The following ABI2 variants were observed in gnomAD, a reference collection of about 807,000 sequenced individuals.
ABI2 encodes the protein abl interactor 2, also known as abelson interactor 2.
ABI2 carries 25 observed loss-of-function variants against 59.2 expected under a neutral mutation model. That is an observed-to-expected ratio of 0.42 (90% CI 0.31 to 0.59). The LOEUF is 0.59. Ranked by LOEUF, ABI2 falls within the 20% of genes least tolerant of loss-of-function variation. The probability of loss-of-function intolerance (pLI) is 0.14; values close to 1 mark genes in which losing one functional copy is unlikely to be tolerated. For synonymous variants in ABI2, 213 were observed against 235.5 expected, an observed-to-expected ratio of 0.90 and a Z score of 0.87; for missense variants, 545 against 681.8, an observed-to-expected ratio of 0.80 and a Z score of 2.23.
intron 10 of ABI2, among the ~76,000 whole-genome samples, chr2:203,413,847 G>A (rs1026563863): frequency 6.6e-6 from 1 of 152,092 alleles, no homozygotes; most frequent in Non-Finnish European, 1.5e-5. Context: ...TCTGCATTAA[G>A]TTTGATGTTT....
At chr2:203,374,294 G>GTT (rs2095527178) in intron 2 of ABI2, among the ~76,000 whole-genome samples, 1 of 152,086 alleles carries the variant, frequency 6.6e-6, no homozygotes, top group Admixed American at 6.6e-5. Context: ...GAGGTCAGGA[G>GTT]TTTGAGACCA....
At chr2:203,419,834 C>T (rs1193126211) in intron 11 of ABI2, among the ~76,000 whole-genome samples, 2 of 151,882 alleles carry the variant, frequency 1.3e-5, no homozygotes, top group Non-Finnish European at 1.5e-5. Context: ...ACTAAAAGTA[C>T]AAAATTAGCT....
intron 9 of ABI2, among the ~76,000 whole-genome samples, chr2:203,408,265 C>A (rs151293320): frequency 1.3e-5 from 2 of 151,058 alleles, no homozygotes; most frequent in Non-Finnish European, 2.9e-5. Flanking sequence ...TGGGTTCAAG[C>A]GATTCTCCTG....
chr2:203,421,414 A>C (rs1013671928), intron 11 of ABI2, among the ~76,000 whole-genome samples: 8 of 152,228 alleles, frequency 5.3e-5, no homozygotes, highest in Non-Finnish European at 1.0e-4. Context: ...GGTCTTTCTT[A>C]AATTTTGTTG....
In ABI2 at chr2:203,395,544, G is replaced by A. The variant is rs900812794; in HGVS notation, c.726-112G>A. ...AGGAAATTTTATTTTGAAGTGGTAC[G>A]CTTTTGAATTACCTTTATTGTAGCT... On this transcript the variant is annotated intron_variant, in intron 6 of 11. Coordinates refer to ENST00000261018, the MANE Select transcript of ABI2 (RefSeq NM_001375670.1). 9.5e-6 allele frequency: 11 copies of A among 1,158,962 alleles called. 1 individual carries two copies. In the South Asian group the frequency reaches 1.0e-4, roughly 11 times the overall value. The allele number at this position is 1,158,962 out of a possible 1,614,324, so 71.8% of individuals were successfully genotyped here. A position where few individuals can be genotyped will look rare whatever the true frequency, so the allele number is the denominator to read the frequency against.
intron 1 of ABI2, among the ~76,000 whole-genome samples, chr2:203,364,592 G>T (rs1345853611): frequency 1.3e-5 from 2 of 152,074 alleles, no homozygotes; most frequent in African/African-American, 4.8e-5. Context: ...TTTTTGACGA[G>T]CATGCAAATG....
chr2:203,419,976 G>A (rs1250686556), intron 11 of ABI2, among the ~76,000 whole-genome samples: 8 of 152,080 alleles, frequency 5.3e-5, no homozygotes, highest in South Asian at 2.1e-4. Flanking sequence ...CAACAAGAGC[G>A]AAACTCCATC....
At chr2:203,368,079 CT>C (rs1468820130) in intron 2 of ABI2, among the ~76,000 whole-genome samples, 1 of 151,986 alleles carries the variant, frequency 6.6e-6, no homozygotes, top group Non-Finnish European at 1.5e-5. Flanking sequence ...TTGGGTTCTG[CT>C]TTTTTAACTT....
At chr2:203,419,804 C>A (rs368503449) in intron 11 of ABI2, among the ~76,000 whole-genome samples, 1 of 152,002 alleles carries the variant, frequency 6.6e-6, no homozygotes, top group Non-Finnish European at 1.5e-5. Context: ...GCCTGACCAA[C>A]ATGGAGAAAC....
chr2:203,346,737 A>G (rs2083841486), intron 1 of ABI2, among the ~76,000 whole-genome samples: 1 of 152,242 alleles, frequency 6.6e-6, no homozygotes, highest in African/African-American at 2.4e-5. Flanking sequence ...GAAGTGAATT[A>G]ACTACTTTGA....
intron 9 of ABI2, among the ~76,000 whole-genome samples, chr2:203,409,966 T>C (rs1307844435): frequency 6.6e-6 from 1 of 152,176 alleles, no homozygotes; most frequent in African/African-American, 2.4e-5. Context: ...CCCATTGATA[T>C]TTCTGGGTTT....
intron 4 of ABI2, among the ~76,000 whole-genome samples, chr2:203,390,618 C>T (rs191920565): frequency 6.7e-5 from 10 of 150,002 alleles, no homozygotes; most frequent in African/African-American, 2.0e-4. Context: ...GGTAACAAAG[C>T]GAGACTCTGT....
chr2:203,334,250 T>C (rs1385498403), intron 1 of ABI2, among the ~76,000 whole-genome samples: 1 of 152,118 alleles, frequency 6.6e-6, no homozygotes, highest in Non-Finnish European at 1.5e-5. Flanking sequence ...CTCATTTACT[T>C]TTTCTTCTTA....
At chr2:203,382,833 A>G (rs898929620) in intron 4 of ABI2, among the ~76,000 whole-genome samples, 3 of 152,124 alleles carry the variant, frequency 2.0e-5, no homozygotes, top group Admixed American at 1.3e-4. Flanking sequence ...ATATTTCAAT[A>G]TAAACTGTAA....
At chr2:203,405,988 T>C (rs955983296) in intron 9 of ABI2, among the ~76,000 whole-genome samples, 1 of 152,188 alleles carries the variant, frequency 6.6e-6, no homozygotes, top group Non-Finnish European at 1.5e-5. Flanking sequence ...AGAAACAAGT[T>C]ATTGAAAGGA....
chr2:203,403,951 C>G (rs2097326981), intron 9 of ABI2, among the ~76,000 whole-genome samples: 1 of 151,832 alleles, frequency 6.6e-6, no homozygotes, highest in African/African-American at 2.4e-5. Context: ...CAGGGTTTCA[C>G]TATGTTGGCC....
At chr2:203,407,014 AC>A (rs2097454604) in intron 9 of ABI2, among the ~76,000 whole-genome samples, 1 of 152,126 alleles carries the variant, frequency 6.6e-6, no homozygotes, top group Admixed American at 6.5e-5. Flanking sequence ...TTCTTTTTGG[AC>A]CATGTAAGAT....
intron 1 of ABI2, among the ~76,000 whole-genome samples, chr2:203,353,042 G>A (rs2089868762): frequency 1.3e-5 from 2 of 152,136 alleles, no homozygotes; most frequent in African/African-American, 4.8e-5. Flanking sequence ...CTAGATTTGC[G>A]AAGTTTACTC....
chr2:203,396,443 GT>G (rs1440878818), intron 7 of ABI2, among the ~76,000 whole-genome samples: 2 of 152,044 alleles, frequency 1.3e-5, no homozygotes, highest in Non-Finnish European at 2.9e-5. Flanking sequence ...GAAAACTGTT[GT>G]TTTTTAGTGT....
Sources: gnomAD v4.1 joint callset for allele counts (sites outside exome capture counted in the v4.1 genomes callset) on GRCh38, gnomAD v4.1.1 for gene constraint, MANE v1.5 for transcripts, NCBI Gene and HGNC (gene_info 2026-07-23, HGNC 2026-07-21) for gene names.